The following CBLB variants were observed in gnomAD, a reference collection of about 807,000 sequenced individuals.
The protein encoded by CBLB is E3 ubiquitin-protein ligase CBL-B.
In CBLB, 31 loss-of-function variants were observed where a neutral mutation model predicts 104.9. The ratio of observed to expected loss-of-function variants is 0.30; its 90% CI spans 0.22 to 0.40. CBLB has a LOEUF of 0.40. Among genes scored for constraint, CBLB ranks in the 10% least tolerant of loss-of-function variants. CBLB has a pLI of 1.00. For missense variants in CBLB, 1,062 were observed against 1,214.6 expected, an observed-to-expected ratio of 0.87 and a Z score of 1.87; for synonymous variants, 440 against 422.6, an observed-to-expected ratio of 1.04 and a Z score of -0.51.
At chr3:105,826,712 AG>A (rs1187578733) in intron 3 of CBLB, among the ~76,000 whole-genome samples, 4 of 152,188 alleles carry the variant, frequency 2.6e-5, no homozygotes, top group Non-Finnish European at 1.5e-5. Flanking sequence ...TTGGCAGAAA[AG>A]GCTTCTGAAC....
At chr3:105,838,551 C>T (rs1045569831) in intron 3 of CBLB, among the ~76,000 whole-genome samples, 1 of 151,574 alleles carries the variant, frequency 6.6e-6, no homozygotes, top group Non-Finnish European at 1.5e-5. Flanking sequence ...AAAAGGCTGG[C>T]AAGCAAAGGT....
chr3:105,665,478 C>T (rs10446294), intron 18 of CBLB, among the ~76,000 whole-genome samples: 101,856 of 139,174 alleles, frequency 0.73, 37,418 homozygotes, highest in Middle Eastern at 0.82. Flanking sequence ...CACACACACA[C>T]ATATATATAT....
intron 10 of CBLB, among the ~76,000 whole-genome samples, chr3:105,710,016 G>A (rs2070823066): frequency 6.6e-6 from 1 of 151,870 alleles, no homozygotes; most frequent in South Asian, 2.1e-4. Flanking sequence ...TTGGACATGT[G>A]TACTTCTTCT....
chr3:105,806,828 A>C (rs1484081636), intron 3 of CBLB, among the ~76,000 whole-genome samples: 2 of 152,182 alleles, frequency 1.3e-5, no homozygotes, highest in Non-Finnish European at 2.9e-5. Context: ...ACTAAATCTT[A>C]ATTTACCAGA....
At chr3:105,839,487 A>G (rs1483507452) in intron 3 of CBLB, 1 of 152,248 alleles carries the variant, frequency 6.6e-6, no homozygotes, top group Non-Finnish European at 1.5e-5. Flanking sequence ...GAGATAGGGT[A>G]GAGAAGAAAG....
chr3:105,743,959 G>A (rs564955850), intron 6 of CBLB, among the ~76,000 whole-genome samples: 1 of 152,048 alleles, frequency 6.6e-6, no homozygotes, highest in Admixed American at 6.5e-5. Context: ...TTTTTTCTCA[G>A]AGGACATTAT....
chr3:105,867,311 A>G (rs535917036), intron 2 of CBLB, 99 bp downstream of exon 2: 53 of 1,103,336 alleles, frequency 4.8e-5, no homozygotes, highest in South Asian at 4.4e-4. Flanking sequence ...GATTGTTGCC[A>G]TAACAATGGT....
At chr3:105,767,714 GAC>G (rs1385559645) in intron 4 of CBLB, among the ~76,000 whole-genome samples, 2 of 152,012 alleles carry the variant, frequency 1.3e-5, no homozygotes, top group Non-Finnish European at 2.9e-5. Flanking sequence ...TTATATGCTA[GAC>G]ACAGTTTTAT....
At chr3:105,692,793 T>C (rs2067871303) in intron 13 of CBLB, among the ~76,000 whole-genome samples, 1 of 151,060 alleles carries the variant, frequency 6.6e-6, no homozygotes, top group Non-Finnish European at 1.5e-5. Flanking sequence ...GCAGACATCC[T>C]GACTTCATAT....
At chr3:105,790,216 T>A (rs548915734) in intron 3 of CBLB, among the ~76,000 whole-genome samples, 57 of 152,364 alleles carry the variant, frequency 3.7e-4, no homozygotes, top group Admixed American at 1.3e-3. Flanking sequence ...TATACTTTTT[T>A]AAAATGATTT....
intron 2 of CBLB, among the ~76,000 whole-genome samples, chr3:105,854,208 C>T (rs2091305632): frequency 6.6e-6 from 1 of 152,190 alleles, no homozygotes; most frequent in Admixed American, 6.5e-5. Context: ...GTCTTTTCCA[C>T]CTCCCCATAC....
At chr3:105,807,913 T>C (rs905708588) in intron 3 of CBLB, among the ~76,000 whole-genome samples, 1 of 152,186 alleles carries the variant, frequency 6.6e-6, no homozygotes, top group Non-Finnish European at 1.5e-5. Flanking sequence ...AAGACTAGAA[T>C]TGGGATCCCT....
intron 3 of CBLB, among the ~76,000 whole-genome samples, chr3:105,777,633 T>A (rs1459425567): frequency 6.6e-6 from 1 of 151,864 alleles, no homozygotes; most frequent in African/African-American, 2.4e-5. Context: ...AAACAAAAAA[T>A]GAAAGAGAAA....
At chr3:105,858,187 C>T (rs2091791175) in intron 2 of CBLB, among the ~76,000 whole-genome samples, 1 of 152,190 alleles carries the variant, frequency 6.6e-6, no homozygotes. Flanking sequence ...ACATACAATG[C>T]TGAACTACGG....
rs370728492 is a variant in CBLB, at chr3:105,681,554, T to C, written c.2353A>G (p.Thr785Ala). 2 of 1,613,890 alleles carry C rather than the reference T, an allele frequency of 1.2e-6. No individual in the cohort carries two copies. The highest frequency in any genetic ancestry group is 1.3e-5 in the African/African-American group (1 of 74,884). ...PVPLPPARPP[T>A]RDNPKHGSSL... ...GAACCATGCTTTGGATTGTCCCGAG[T>C]TGGAGGCCTGGCAGGTGGTAATGGC... Residue 785 changes from threonine to alanine, a missense_variant, in exon 16 of 19, where the codon ACT (threonine) becomes GCT (alanine). By Grantham distance (58) the Thr-to-Ala change is moderately conservative. Around this residue, in one of 2 missense-constraint regions of CBLB, gnomAD observed 605 missense variants for 582.6 expected, o/e 1.04. Coordinates refer to ENST00000394030, the MANE Select transcript of CBLB (RefSeq NM_170662.5).
chr3:105,824,780 A>C (rs2086348988), intron 3 of CBLB, among the ~76,000 whole-genome samples: 1 of 152,092 alleles, frequency 6.6e-6, no homozygotes. Context: ...GGCATTCACG[A>C]AAGGGGAGCC....
At chr3:105,847,030 GGTTT>G (rs764479900) in intron 3 of CBLB, among the ~76,000 whole-genome samples, 40 of 152,042 alleles carry the variant, frequency 2.6e-4, no homozygotes, top group Non-Finnish European at 4.6e-4. Context: ...AAAGAAAGTA[GGTTT>G]GTTTGCAGCT....
chr3:105,662,851 G>C (rs13084260), intron 18 of CBLB, among the ~76,000 whole-genome samples: 39,289 of 152,076 alleles, frequency 0.26, 5,229 homozygotes, highest in Admixed American at 0.27. Flanking sequence ...TATAAAAGAA[G>C]AGAGTGATGT....
chr3:105,682,769 C>T (rs1328664936), intron 14 of CBLB, among the ~76,000 whole-genome samples: 1 of 152,114 alleles, frequency 6.6e-6, no homozygotes, highest in Non-Finnish European at 1.5e-5. Context: ...TCCCAAAGTG[C>T]TGGGATAACA....
Sources: gnomAD v4.1 joint callset for allele counts (sites outside exome capture counted in the v4.1 genomes callset) on GRCh38, gnomAD v4.1.1 for gene constraint, gnomAD v4.1.1 regional missense constraint, MANE v1.5 for transcripts, NCBI Gene and HGNC (gene_info 2026-07-23, HGNC 2026-07-21) for gene names.